Variants in VCAM1 observed in about 807,000 individuals in gnomAD.
The protein encoded by VCAM1 is vascular cell adhesion molecule 1.
A neutral mutation model predicts 63.8 loss-of-function variants in VCAM1; 41 were observed. The observed-to-expected ratio is 0.64, with a 90% confidence interval of 0.50 to 0.83. VCAM1 has a LOEUF of 0.83. Ranked by LOEUF, VCAM1 falls within the 40% of genes least tolerant of loss-of-function variation. The probability of loss-of-function intolerance (pLI) is 0.00; values close to 1 mark genes in which losing one functional copy is unlikely to be tolerated. For synonymous variants in VCAM1, 338 were observed against 320.7 expected (o/e 1.05, Z -0.58); for missense variants, 798 against 875.5 (o/e 0.91, Z 1.12).
chr1:100,731,602 G>A lies in VCAM1; in HGVS notation c.1525+84G>A, dbSNP rs897599041. The A allele has an allele frequency of 2.6e-5, 34 of 1,291,944 alleles. No homozygotes were observed. Among genetic ancestry groups the A allele is most frequent in the East Asian group, 9.6e-5 (4 of 41,480 alleles). The allele number at this position is 1,291,944 out of a possible 1,614,324, so 80.0% of individuals were successfully genotyped here. A position where few individuals can be genotyped will look rare whatever the true frequency, so the allele number is the denominator to read the frequency against. On this transcript the variant is annotated intron_variant, in intron 6 of 8. Transcript: ENST00000294728. This position sits in a 1 kb window ranked among gnomAD's most constrained non-coding sequence, Gnocchi z 4.2. ...GGCAATAGTTAACATAAGGTTAATC[G>A]TTAAAACCTCTGTGGAGAAAAAACG...
Position 100,738,047 on chromosome 1 carries a change from T to C in VCAM1, c.2060-76T>C, listed in dbSNP as rs1660717637. 4.7e-6 allele frequency: 7 copies of C among 1,496,830 alleles called. No individual in the cohort carries two copies. The Admixed American group carries it at 1.3e-4, about 27-fold the overall frequency. 92.7% of individuals were successfully genotyped at this position (1,496,830 alleles called of 1,614,324 possible). A position where few individuals can be genotyped will look rare whatever the true frequency, so the allele number is the denominator to read the frequency against. On this transcript the variant is annotated intron_variant, in intron 8 of 8. Transcript: ENST00000294728. ...TGGAGAACTAGTTGTACTGTTATAA[T>C]AAACATGTAACTGTTGTTATTAAAT...
chr1:100,722,228 A>G (rs974693804), intron 2 of VCAM1, among the ~76,000 whole-genome samples: 3 of 152,072 alleles, frequency 2.0e-5, no homozygotes, highest in Admixed American at 6.6e-5. Context: ...GAAGTAGTGT[A>G]TTTCCTTGTA....
In VCAM1 at chr1:100,720,465, T is replaced by G; in HGVS notation, c.65-11T>G. 1 of 1,601,568 alleles carries G rather than the reference T, an allele frequency of 6.2e-7. No individual in the cohort carries two copies. The highest frequency in any genetic ancestry group is 8.5e-7 in the Non-Finnish European group (1 of 1,172,000). On this transcript the variant is annotated splice_polypyrimidine_tract_variant and intron_variant, in intron 1 of 8. Transcript: ENST00000294728. ...TGGTAAATTTGCTTCTGTCTTTTTT[T>G]GCTTTTGCAGCTCAAGCTTTTAAAA...
At position 100,738,113 on chromosome 1, in the gene VCAM1, T is replaced by C. The variant is rs751312269; in HGVS notation, c.2060-10T>C. 3 of 1,611,524 alleles carry C rather than the reference T, an allele frequency of 1.9e-6. No homozygotes were observed. The highest frequency in any genetic ancestry group is 2.5e-6 in the Non-Finnish European group (3 of 1,179,028). ...TAGACATTAATTGCATCCATTTTGTTATTTTCCAGGAAGAGAAAACAACAA... is the reference window on the plus strand; with the variant it reads ...TAGACATTAATTGCATCCATTTTGTCATTTTCCAGGAAGAGAAAACAACAA... On this transcript the variant is annotated splice_polypyrimidine_tract_variant and intron_variant, in intron 8 of 8. Transcript: ENST00000294728.
At chr1:100,730,973 A>C (rs1571459496) in intron 5 of VCAM1, among the ~76,000 whole-genome samples, 1 of 152,286 alleles carries the variant, frequency 6.6e-6, no homozygotes, top group East Asian at 1.9e-4. Context: ...GTGAAAATTT[A>C]TTACTCAATG....
At chr1:100,730,930 A>G (rs1660430357) in intron 5 of VCAM1, among the ~76,000 whole-genome samples, 1 of 152,174 alleles carries the variant, frequency 6.6e-6, no homozygotes, top group Non-Finnish European at 1.5e-5. Flanking sequence ...CATGGCACAC[A>G]GCAAGATTGC....
intron 5 of VCAM1, among the ~76,000 whole-genome samples, chr1:100,730,441 A>C (rs1660402940): frequency 6.6e-6 from 1 of 152,174 alleles, no homozygotes; most frequent in East Asian, 1.9e-4. Context: ...TGCCCTTGAT[A>C]GCTATCTTAG....
chr1:100,732,822 A>G (rs1394771406), intron 7 of VCAM1, 138 bp downstream of exon 7: 2 of 937,770 alleles, frequency 2.1e-6, no homozygotes, highest in Non-Finnish European at 3.0e-6. Context: ...TGATGTTTCC[A>G]ATGTATGGAG....
In VCAM1 at chr1:100,719,752, C is replaced by T. The variant is rs3783608; in HGVS notation, c.-109C>T. On this transcript the variant is annotated 5_prime_UTR_variant, in exon 1 of 9. Coordinates refer to ENST00000294728, the MANE Select transcript of VCAM1 (RefSeq NM_001078.4). ...TTTCTATTTCACTCCGCGGTATCTGCATCGGGCCTCACTGGCTTCAGGAGC... is the reference window on the plus strand; with the variant it reads ...TTTCTATTTCACTCCGCGGTATCTGTATCGGGCCTCACTGGCTTCAGGAGC... 5.9e-3 allele frequency: 6,099 copies of T among 1,032,458 alleles called. 242 individuals are homozygous for T. In the African/African-American group the frequency reaches 0.09, roughly 15 times the overall value. The allele number at this position is 1,032,458 out of a possible 1,614,324, so 64.0% of individuals were successfully genotyped here.
chr1:100,731,610 C>T lies in VCAM1; in HGVS notation c.1525+92C>T. On this transcript the variant is annotated intron_variant, in intron 6 of 8. Transcript: ENST00000294728. The surrounding 1 kb of genome is among the most constrained non-coding windows in gnomAD (Gnocchi z 4.2). ...TTAACATAAGGTTAATCGTTAAAAC[C>T]TCTGTGGAGAAAAAACGTTACTGAA... 8.1e-7 allele frequency: 1 copy of T among 1,227,642 alleles called. No homozygotes were observed. Among genetic ancestry groups the T allele is most frequent in the Non-Finnish European group, 1.1e-6 (1 of 890,892 alleles). 76.0% of individuals were successfully genotyped at this position (1,227,642 alleles called of 1,614,324 possible). A position where few individuals can be genotyped will look rare whatever the true frequency, so the allele number is the denominator to read the frequency against.
At chr1:100,723,914 G>C (rs1485937667) in intron 3 of VCAM1, among the ~76,000 whole-genome samples, 3 of 151,994 alleles carry the variant, frequency 2.0e-5, no homozygotes, top group Non-Finnish European at 1.5e-5. Context: ...GCCTCACTGT[G>C]CTCTGTTCTG....
At position 100,738,537 on chromosome 1, in the gene VCAM1, T is replaced by C. The variant is rs1021618345; in HGVS notation, c.*254T>C. The C allele has an allele frequency of 1.6e-5, 4 of 249,236 alleles. No individual in the cohort carries two copies. The highest frequency in any genetic ancestry group is 2.3e-5 in the Non-Finnish European group (3 of 130,630). The allele number at this position is 249,236 out of a possible 1,614,324, so 15.4% of individuals were successfully genotyped here. On this transcript the variant is annotated 3_prime_UTR_variant, in exon 9 of 9. Transcript: ENST00000294728. ...TTGATCTGTATATACAATAACATAA[T>C]TTGTACATATGTAAAATAAAATTAT...
intron 2 of VCAM1, 141 bp downstream of exon 2, chr1:100,720,892 AG>A: frequency 2.8e-6 from 3 of 1,062,832 alleles, no homozygotes; most frequent in Non-Finnish European, 3.9e-6. Context: ...CAGGAAAGCT[AG>A]GGACAGCTAA....
chr1:100,735,120 A>G, intron 8 of VCAM1: 1 of 185,772 alleles, frequency 5.4e-6, no homozygotes, highest in Non-Finnish European at 1.1e-5. Context: ...GAAGGGTTCT[A>G]TCCAGACCCT....
Position 100,731,588 on chromosome 1 carries a change from A to T in VCAM1, c.1525+70A>T. On this transcript the variant is annotated intron_variant, in intron 6 of 8. Transcript: ENST00000294728. The surrounding 1 kb of genome is among the most constrained non-coding windows in gnomAD (Gnocchi z 4.2). ...TATCGTGTTTGCCAGGCAATAGTTA[A>T]CATAAGGTTAATCGTTAAAACCTCT... 1 of 1,406,778 alleles carries T rather than the reference A, an allele frequency of 7.1e-7. No individual in the cohort carries two copies. Among genetic ancestry groups the T allele is most frequent in the South Asian group, 1.4e-5 (1 of 71,410 alleles). 87.1% of individuals were successfully genotyped at this position (1,406,778 alleles called of 1,614,324 possible).
At chr1:100,720,875 A>G in intron 2 of VCAM1, 124 bp downstream of exon 2, 1 of 1,197,492 alleles carries the variant, frequency 8.4e-7, no homozygotes, top group South Asian at 1.7e-5. Context: ...TAAAGAACAT[A>G]CAACATCAGG....
At position 100,738,220 on chromosome 1, in the gene VCAM1, T is replaced by C. The variant is rs1246517688; in HGVS notation, c.2157T>C (p.Phe719=). The C allele has an allele frequency of 7.4e-6, 12 of 1,613,748 alleles. No homozygotes were observed. Among genetic ancestry groups the C allele is most frequent in the Non-Finnish European group, 1.0e-5 (12 of 1,179,806 alleles). Residue 719 remains phenylalanine, a synonymous_variant, in exon 9 of 9, where the codon TTT becomes TTC. Transcript: ENST00000294728. ...CTGCCATTGGAATGATAATTTACTT[T>C]GCAAGAAAAGCCAACATGAAGGGGT... ...IIPAIGMIIY[F]ARKANMKGSY... is the part of the protein sequence containing the mutation.
Position 100,731,800 on chromosome 1 carries a change from A to G in VCAM1, c.1525+282A>G, listed in dbSNP as rs3917060. ...TAGCTGAGCTCACTCGTGCATTTTCAGTAAGGTTAGCAGGGCTGGCTGGTC... is the reference window on the plus strand; with the variant it reads ...TAGCTGAGCTCACTCGTGCATTTTCGGTAAGGTTAGCAGGGCTGGCTGGTC... On this transcript the variant is annotated intron_variant, in intron 6 of 8. Coordinates refer to ENST00000294728, the MANE Select transcript of VCAM1 (RefSeq NM_001078.4). This position sits in a 1 kb window ranked among gnomAD's most constrained non-coding sequence, Gnocchi z 4.2. Among the ~76,000 whole-genome samples the G allele has an allele frequency of 0.012, 1,863 of 152,246 alleles. 34 individuals are homozygous for G. The highest frequency in any genetic ancestry group is 0.043 in the African/African-American group (1,767 of 41,546).
chr1:100,729,369 G>A lies in VCAM1; in HGVS notation c.1191G>A (p.Gln397=). The change falls in exon 5 of 9, where the codon CAG becomes CAA. Residue 397 remains glutamine (Q), a synonymous_variant. Coordinates refer to ENST00000294728, the MANE Select transcript of VCAM1 (RefSeq NM_001078.4). The part of the protein sequence containing the change: ...CGHKKLEKGI[Q]VELYSFPRDP... ...ATAAGAAACTGGAAAAGGGAATCCA[G>A]GTGGAGCTCTACTGTAAGTGGTTTT... 6.2e-7 allele frequency: 1 copy of A among 1,603,886 alleles called. No individual in the cohort carries two copies. Among genetic ancestry groups the A allele is most frequent in the Non-Finnish European group, 8.5e-7 (1 of 1,174,686 alleles).
Sources: gnomAD v4.1 joint callset for allele counts (sites outside exome capture counted in the v4.1 genomes callset) on GRCh38, gnomAD v4.1.1 for gene constraint, Gnocchi (gnomAD v3.1) non-coding constraint, MANE v1.5 for transcripts, NCBI Gene and HGNC (gene_info 2026-07-23, HGNC 2026-07-21) for gene names.